Variants in SCAI observed in about 807,000 individuals in gnomAD.
The protein encoded by SCAI is protein SCAI.
In SCAI, 24 loss-of-function variants were observed where a neutral mutation model predicts 92.2. That is an observed-to-expected ratio of 0.26 (90% CI 0.19 to 0.37). The LOEUF is 0.37. Ranked by LOEUF, SCAI falls within the 10% of genes least tolerant of loss-of-function variation. The pLI is 1.00. For synonymous variants in SCAI, 261 were observed against 258.6 expected, an observed-to-expected ratio of 1.01 and a Z score of -0.09; for missense variants, 450 against 736.2, an observed-to-expected ratio of 0.61 and a Z score of 4.50.
intron 2 of SCAI, among the ~76,000 whole-genome samples, chr9:125,076,157 T>G (rs1834085950): frequency 6.6e-6 from 1 of 152,156 alleles, no homozygotes; most frequent in Admixed American, 6.5e-5. Flanking sequence ...TCATCAAATG[T>G]TGGGTTAATC....
Position 125,055,978 on chromosome 9 carries a change from G to C in SCAI, c.128C>G (p.Ser43Cys), listed in dbSNP as rs368234163. The C allele has an allele frequency of 6.2e-7, 1 of 1,609,120 alleles. No homozygotes were observed. Among genetic ancestry groups the C allele is most frequent in the East Asian group, 2.2e-5 (1 of 44,774 alleles). The change falls in exon 3 of 18, where the codon TCC becomes TGC. Residue 43 changes from serine (S) to cysteine (C), a missense_variant. Ser to Cys is a moderately radical substitution (Grantham distance 112, BLOSUM62 -1). Transcript: ENST00000336505. ...GATATCATCTTCAGCACCTCCAGAGGACATGATTTCTTTAAGAGCAAATTC... is the reference window on the plus strand; with the variant it reads ...GATATCATCTTCAGCACCTCCAGAGCACATGATTTCTTTAAGAGCAAATTC... Reference protein sequence around the residue: ...RTEFALKEIMSSGGAEDDIPQ... With the variant: ...RTEFALKEIMCSGGAEDDIPQ...
At position 124,943,469 on chromosome 9, in the gene SCAI, G is replaced by C. The variant is rs958532490; in HGVS notation, c.*9338C>G. 2 of 152,130 alleles carry C rather than the reference G, an allele frequency of 1.3e-5. No individual in the cohort carries two copies. Among genetic ancestry groups the C allele is most frequent in the Non-Finnish European group, 2.9e-5 (2 of 68,006 alleles). 9.4% of individuals were successfully genotyped at this position (152,130 alleles called of 1,614,324 possible). A position where few individuals can be genotyped will look rare whatever the true frequency, so the allele number is the denominator to read the frequency against. On this transcript the variant is annotated 3_prime_UTR_variant, in exon 18 of 18. Coordinates refer to ENST00000336505, the MANE Select transcript of SCAI (RefSeq NM_001144877.3). ...TTTGCACGACAGATTAGCAGCACTT[G>C]GATAAGAATTGTTACATGAAAAATA... is the stretch of plus-strand genomic sequence containing the variant.
chr9:124,977,409 G>C (rs1390764280), intron 14 of SCAI, among the ~76,000 whole-genome samples: 3 of 150,552 alleles, frequency 2.0e-5, no homozygotes, highest in East Asian at 3.9e-4. Context: ...GCCCGGCACA[G>C]TGGCTCACGA....
chr9:125,021,336 A>G (rs1318937324), intron 6 of SCAI, among the ~76,000 whole-genome samples: 6 of 152,154 alleles, frequency 3.9e-5, no homozygotes, highest in Non-Finnish European at 5.9e-5. Context: ...GGCTAGGTTT[A>G]TATCTACCAC....
At chr9:125,036,860 C>A (rs1470929020) in intron 3 of SCAI, among the ~76,000 whole-genome samples, 3 of 152,176 alleles carry the variant, frequency 2.0e-5, no homozygotes, top group Non-Finnish European at 4.4e-5. Flanking sequence ...ATGGCTCATG[C>A]CTGTAGTCCC....
At chr9:125,048,526 A>AG (rs948016519) in intron 3 of SCAI, among the ~76,000 whole-genome samples, 2 of 152,042 alleles carry the variant, frequency 1.3e-5, no homozygotes, top group Non-Finnish European at 1.5e-5. Context: ...TTTCTGAAGA[A>AG]GGAGAAGGAG....
At chr9:125,012,565 C>T (rs1588151268) in intron 9 of SCAI, among the ~76,000 whole-genome samples, 1 of 152,102 alleles carries the variant, frequency 6.6e-6, no homozygotes, top group South Asian at 2.1e-4. Context: ...CTTAGACTCC[C>T]ACACAATAAT....
chr9:125,069,761 T>C (rs11790965), intron 2 of SCAI, among the ~76,000 whole-genome samples: 17,643 of 151,496 alleles, frequency 0.12, 1,119 homozygotes, highest in Non-Finnish European at 0.13. Flanking sequence ...TAGCTGGGAT[T>C]ACAGGCGCCC....
chr9:124,968,187 A>C (rs1462949770), intron 17 of SCAI: 1 of 645,452 alleles, frequency 1.5e-6, no homozygotes, highest in Non-Finnish European at 2.6e-6. Context: ...CCTCAAAAGC[A>C]GGAATGAAAA....
intron 17 of SCAI, among the ~76,000 whole-genome samples, chr9:124,962,037 A>G (rs1831446212): frequency 6.6e-6 from 1 of 152,040 alleles, no homozygotes; most frequent in African/African-American, 2.4e-5. Flanking sequence ...AGCTCTTTTG[A>G]AAATTATCAA....
intron 2 of SCAI, among the ~76,000 whole-genome samples, chr9:125,070,124 T>C (rs1270738153): frequency 6.6e-6 from 1 of 152,062 alleles, no homozygotes; most frequent in Non-Finnish European, 1.5e-5. Context: ...AGTTGCAAAA[T>C]TGTTGCAAAT....
chr9:125,051,631 A>T (rs865922384), intron 3 of SCAI, among the ~76,000 whole-genome samples: 16 of 152,348 alleles, frequency 1.1e-4, no homozygotes, highest in South Asian at 2.1e-4. Context: ...AAAATATCAC[A>T]TGTACCCCAT....
chr9:125,098,833 G>A (rs577542519), intron 2 of SCAI, among the ~76,000 whole-genome samples: 1 of 152,228 alleles, frequency 6.6e-6, no homozygotes, highest in South Asian at 2.1e-4. Context: ...GAGATGTTTT[G>A]TTGTTGTTGT....
intron 12 of SCAI, among the ~76,000 whole-genome samples, chr9:125,000,720 T>C (rs1832341597): frequency 6.6e-6 from 1 of 151,252 alleles, no homozygotes; most frequent in Non-Finnish European, 1.5e-5. Context: ...CTTAGAAAAA[T>C]ATTTGAATAG....
chr9:125,021,815 C>CAACTG (rs1379606262), intron 6 of SCAI, among the ~76,000 whole-genome samples: 1 of 152,018 alleles, frequency 6.6e-6, no homozygotes, highest in Non-Finnish European at 1.5e-5. Flanking sequence ...TTATGTTGCC[C>CAACTG]AACTGGACTT....
intron 17 of SCAI, among the ~76,000 whole-genome samples, chr9:124,957,195 T>G (rs1333187736): frequency 6.6e-6 from 1 of 151,974 alleles, no homozygotes; most frequent in Non-Finnish European, 1.5e-5. Context: ...GGTTTCACCA[T>G]GTTACCCAGC....
intron 3 of SCAI, among the ~76,000 whole-genome samples, chr9:125,051,743 T>C (rs1163111599): frequency 6.6e-6 from 1 of 152,152 alleles, no homozygotes; most frequent in Non-Finnish European, 1.5e-5. Context: ...AAAAATAACA[T>C]AAAACTAACA....
At chr9:125,115,231 G>A (rs1835014958) in intron 2 of SCAI, among the ~76,000 whole-genome samples, 1 of 151,926 alleles carries the variant, frequency 6.6e-6, no homozygotes, top group South Asian at 2.1e-4. Flanking sequence ...AATTAGCCGG[G>A]CGTGGTGGTG....
intron 3 of SCAI, among the ~76,000 whole-genome samples, chr9:125,040,614 TC>T (rs1564389584): frequency 6.6e-6 from 1 of 151,538 alleles, no homozygotes; most frequent in Non-Finnish European, 1.5e-5. Flanking sequence ...TTCTACTTTT[TC>T]CCTGTTTTGT....
Sources: allele counts gnomAD v4.1 joint callset (sites outside exome capture counted in the v4.1 genomes callset), GRCh38; gene constraint gnomAD v4.1.1; transcripts MANE v1.5; gene names NCBI Gene and HGNC (gene_info 2026-07-23, HGNC 2026-07-21).